Variants in GRID2 observed in about 807,000 individuals in gnomAD.
GRID2 encodes glutamate ionotropic receptor delta type subunit 2, also known as glutamate receptor ionotropic, delta-2.
In GRID2, 33 loss-of-function variants were observed where a neutral mutation model predicts 114.8. The ratio of observed to expected loss-of-function variants is 0.29; its 90% CI spans 0.22 to 0.38. The LOEUF (loss-of-function observed/expected upper bound fraction) is 0.38. GRID2 is among the 10% of genes least tolerant of loss of function. The pLI, the probability that GRID2 is intolerant of heterozygous loss-of-function variation, is 1.00. For synonymous variants in GRID2, 505 were observed against 449.9 expected (o/e 1.12, Z -1.55); for missense variants, 1,184 against 1,257.7 (o/e 0.94, Z 0.89).
At chr4:93,451,989 C>G (rs1011002943) in intron 10 of GRID2, among the ~76,000 whole-genome samples, 4 of 152,100 alleles carry the variant, frequency 2.6e-5, no homozygotes, top group African/African-American at 9.7e-5. Context: ...ATAAATCAGT[C>G]TAGATCCCAG....
chr4:93,752,406 T>C (rs1027202616), intron 14 of GRID2, among the ~76,000 whole-genome samples: 8 of 150,086 alleles, frequency 5.3e-5, no homozygotes, highest in African/African-American at 2.0e-4. Flanking sequence ...AGTCTTGCTC[T>C]GTCATCCAGG....
chr4:93,618,144 G>A (rs10516927), intron 13 of GRID2, among the ~76,000 whole-genome samples: 26,970 of 152,066 alleles, frequency 0.18, 2,995 homozygotes, highest in African/African-American at 0.32. Flanking sequence ...GAGCATTTCC[G>A]TCAATTCATC....
chr4:93,047,094 G>A (rs1363652965), intron 2 of GRID2, among the ~76,000 whole-genome samples: 1 of 151,856 alleles, frequency 6.6e-6, no homozygotes, highest in African/African-American at 2.4e-5. Context: ...GTCCTGTCAT[G>A]AGAAAAATAC....
chr4:93,509,863 T>C (rs1286410851), intron 12 of GRID2, among the ~76,000 whole-genome samples: 1 of 152,192 alleles, frequency 6.6e-6, no homozygotes, highest in East Asian at 1.9e-4. Flanking sequence ...CTTTTTATGC[T>C]GGAAAACTTG....
intron 8 of GRID2, among the ~76,000 whole-genome samples, chr4:93,247,359 G>T (rs1451584013): frequency 6.6e-6 from 1 of 152,154 alleles, no homozygotes; most frequent in Non-Finnish European, 1.5e-5. Flanking sequence ...ACTGGGTAAA[G>T]ATTACCTCAC....
At chr4:93,676,424 T>C (rs1724861909) in intron 14 of GRID2, among the ~76,000 whole-genome samples, 1 of 152,172 alleles carries the variant, frequency 6.6e-6, no homozygotes, top group Admixed American at 6.5e-5. Context: ...TAATTTAATG[T>C]GCATAAAGAA....
intron 4 of GRID2, among the ~76,000 whole-genome samples, chr4:93,162,216 C>T (rs1269354367): frequency 6.6e-6 from 1 of 151,770 alleles, no homozygotes; most frequent in East Asian, 1.9e-4. Context: ...TGACAGATAA[C>T]AATTTTATCA....
intron 1 of GRID2, among the ~76,000 whole-genome samples, chr4:92,330,668 TAA>T (rs1726836801): frequency 6.6e-6 from 1 of 152,086 alleles, no homozygotes; most frequent in African/African-American, 2.4e-5. Flanking sequence ...AATATAAACT[TAA>T]GTTTAAACTT....
chr4:92,884,278 G>T (rs1002696225), intron 2 of GRID2, among the ~76,000 whole-genome samples: 4 of 152,112 alleles, frequency 2.6e-5, no homozygotes, highest in East Asian at 1.9e-4. Context: ...GAGAGTTGGG[G>T]TCTTGCTCTG....
chr4:92,703,864 G>C (rs1223944285), intron 2 of GRID2, among the ~76,000 whole-genome samples: 1 of 151,786 alleles, frequency 6.6e-6, no homozygotes, highest in Admixed American at 6.6e-5. Flanking sequence ...TATATCTATT[G>C]GTAGAGAAAT....
At chr4:93,396,329 A>T (rs1215973189) in intron 9 of GRID2, among the ~76,000 whole-genome samples, 1 of 152,004 alleles carries the variant, frequency 6.6e-6, no homozygotes, top group African/African-American at 2.4e-5. Context: ...GGATTACAGT[A>T]GTTTCCCTTT....
In GRID2 at chr4:93,506,396, G is replaced by A. The variant is rs545216187; in HGVS notation, c.1998-8820G>A. On this transcript the variant is annotated intron_variant, in intron 12 of 15. Transcript: ENST00000282020. ...TAGATGTGCCCTTCTCATGAATCTT[G>A]CTGCGCACTTTTTCTAGACCAAACG... Among the ~76,000 whole-genome samples, 3 of 152,268 alleles carry A rather than the reference G, an allele frequency of 2.0e-5. No homozygotes were observed. The South Asian group carries it at 6.2e-4, about 32-fold the overall frequency.
At chr4:93,707,041 G>A (rs1728063029) in intron 14 of GRID2, among the ~76,000 whole-genome samples, 2 of 151,904 alleles carry the variant, frequency 1.3e-5, no homozygotes, top group African/African-American at 4.8e-5. Flanking sequence ...TCCTTGCATC[G>A]CCGGAATATA....
At chr4:93,395,822 A>T in intron 9 of GRID2, 114 bp downstream of exon 9, 1 of 520,926 alleles carries the variant, frequency 1.9e-6, no homozygotes, top group Non-Finnish European at 3.5e-6. Flanking sequence ...AATTCTAAAT[A>T]CGCTTTCTAA....
chr4:92,792,456 AACACACACACACACACACACACACAC>A (rs35204445), intron 2 of GRID2, among the ~76,000 whole-genome samples: 3 of 136,180 alleles, frequency 2.2e-5, no homozygotes, highest in Non-Finnish European at 4.7e-5. Flanking sequence ...CAGGCAAGAG[AACACACACACACACACACACACACAC>A]ACACACACAC....
chr4:93,761,282 G>A (rs1438719689), intron 14 of GRID2, among the ~76,000 whole-genome samples: 1 of 152,158 alleles, frequency 6.6e-6, no homozygotes, highest in Non-Finnish European at 1.5e-5. Flanking sequence ...CCAATGATTG[G>A]ACTTGCTATA....
intron 2 of GRID2, among the ~76,000 whole-genome samples, chr4:93,048,805 T>C (rs1270474487): frequency 6.6e-6 from 1 of 152,076 alleles, no homozygotes; most frequent in Non-Finnish European, 1.5e-5. Flanking sequence ...AGTTTTATGG[T>C]CCAGGCAGCC....
At chr4:93,325,256 C>T (rs766791751) in intron 8 of GRID2, among the ~76,000 whole-genome samples, 3 of 152,028 alleles carry the variant, frequency 2.0e-5, no homozygotes, top group Non-Finnish European at 2.9e-5. Context: ...TTATTGGTTT[C>T]GACCATAATA....
At chr4:92,499,495 C>T (rs1723562805) in intron 1 of GRID2, among the ~76,000 whole-genome samples, 1 of 152,146 alleles carries the variant, frequency 6.6e-6, no homozygotes, top group African/African-American at 2.4e-5. Context: ...TAGACTGGCT[C>T]TTCTATATTT....
Sources: gnomAD v4.1 joint callset for allele counts (sites outside exome capture counted in the v4.1 genomes callset) on GRCh38, gnomAD v4.1.1 for gene constraint, MANE v1.5 for transcripts, NCBI Gene and HGNC (gene_info 2026-07-23, HGNC 2026-07-21) for gene names.